TRIM24: variants seen among roughly 807,000 people sequenced by gnomAD.
TRIM24 encodes the protein tripartite motif containing 24.
TRIM24 carries 29 observed loss-of-function variants against 123.9 expected under a neutral mutation model. The ratio of observed to expected loss-of-function variants is 0.23; its 90% CI spans 0.17 to 0.32. TRIM24 has a LOEUF of 0.32. Among genes scored for constraint, TRIM24 ranks in the 10% least tolerant of loss-of-function variants. TRIM24 has a pLI of 1.00. For synonymous variants in TRIM24, 456 were observed against 461.1 expected (o/e 0.99, Z 0.14); for missense variants, 932 against 1,295.3 (o/e 0.72, Z 4.31).
In TRIM24 at chr7:138,583,941, C is replaced by A. The variant is rs1797959499; in HGVS notation, c.2885C>A (p.Pro962His). Residue 962 changes from proline (P) to histidine (H), a missense_variant, in exon 18 of 19, where the codon CCT becomes CAT. By Grantham distance (77) the Pro-to-His change is moderately conservative. Coordinates refer to ENST00000343526, the MANE Select transcript of TRIM24 (RefSeq NM_015905.3). ...LQEDYSMYSK[P>H]EDFVADFRLI... The stretch of plus-strand genomic sequence containing the variant: ...GAAGATTATTCCATGTACTCAAAAC[C>A]TGAAGATTTTGTAGCTGATTTTAGA... 1 of 1,608,606 alleles carries A rather than the reference C, an allele frequency of 6.2e-7. No individual in the cohort carries two copies.
chr7:138,577,408 T>C lies in TRIM24; in HGVS notation c.2088-12T>C. The C allele has an allele frequency of 1.3e-6, 2 of 1,534,010 alleles. No homozygotes were observed. The highest frequency in any genetic ancestry group is 1.7e-6 in the Non-Finnish European group (2 of 1,145,142). On this transcript the variant is annotated splice_polypyrimidine_tract_variant and intron_variant, in intron 13 of 18. Transcript: ENST00000343526. ...TTCTTAGATTGCTTTTTCTTCTCTCTCATACTTACAGCTCTGGCTCTTCCA... is the reference window on the plus strand; with the variant it reads ...TTCTTAGATTGCTTTTTCTTCTCTCCCATACTTACAGCTCTGGCTCTTCCA...
intron 1 of TRIM24, chr7:138,461,264 A>C: frequency 1.7e-6 from 1 of 573,540 alleles, no homozygotes; most frequent in East Asian, 4.5e-5. Flanking sequence ...CAGCCAGTTA[A>C]CTGCTACCCG....
At chr7:138,566,793 G>C (rs986872107) in intron 9 of TRIM24, among the ~76,000 whole-genome samples, 3 of 152,118 alleles carry the variant, frequency 2.0e-5, no homozygotes, top group African/African-American at 7.2e-5. Flanking sequence ...GGCTCAATAA[G>C]ATCTAAAACT....
chr7:138,558,338 G>C (rs985451146), intron 9 of TRIM24, among the ~76,000 whole-genome samples: 1 of 152,174 alleles, frequency 6.6e-6, no homozygotes, highest in East Asian at 1.9e-4. Context: ...GTTGGTAAAG[G>C]CCTTTCCCCA....
Position 138,554,878 on chromosome 7 carries a change from G to C in TRIM24, c.1442G>C (p.Arg481Thr). Residue 481 changes from arginine to threonine, a missense_variant, in exon 9 of 19, where the codon AGG (arginine) becomes ACG (threonine). This residue lies in a region of TRIM24 where 527 missense variants were observed against 691.3 expected (regional missense o/e 0.76). Coordinates refer to ENST00000343526, the MANE Select transcript of TRIM24 (RefSeq NM_015905.3). The surrounding 1 kb of genome is among the most constrained non-coding windows in gnomAD (Gnocchi z 4.5). ...ATGCAGCAACAGGTAATGGCTCAGA[G>C]GCAACAGGTGCAACGGAGGCCAGCA... Reference protein sequence around the residue: ...QHMQQQVMAQRQQVQRRPAPV... With the variant: ...QHMQQQVMAQTQQVQRRPAPV... The C allele has an allele frequency of 6.2e-7, 1 of 1,614,142 alleles. No individual in the cohort carries two copies. The highest frequency in any genetic ancestry group is 8.5e-7 in the Non-Finnish European group (1 of 1,180,012).
In TRIM24 at chr7:138,538,714, C is replaced by T; in HGVS notation, c.1054C>T (p.Leu352Phe). Residue 352 changes from leucine (L) to phenylalanine (F), a missense_variant, in exon 7 of 19, where the codon CTC becomes TTC. Around this residue, in one of 7 missense-constraint regions of TRIM24, gnomAD observed 527 missense variants for 691.3 expected, o/e 0.76. Coordinates refer to ENST00000343526, the MANE Select transcript of TRIM24 (RefSeq NM_015905.3). ...LMQQQQEVAG[L>F]SKQLEHVMHF... ...GCAACAACAACAGGAAGTGGCTGGACTCTCTAAACAATTGGAGCATGTCAT... is the reference window on the plus strand; with the variant it reads ...GCAACAACAACAGGAAGTGGCTGGATTCTCTAAACAATTGGAGCATGTCAT... 1 of 1,614,092 alleles carries T rather than the reference C, an allele frequency of 6.2e-7. No homozygotes were observed. The highest frequency in any genetic ancestry group is 1.1e-5 in the South Asian group (1 of 91,088).
chr7:138,463,881 T>C (rs983312747), intron 1 of TRIM24, among the ~76,000 whole-genome samples: 1 of 151,974 alleles, frequency 6.6e-6, no homozygotes, highest in South Asian at 2.1e-4. Flanking sequence ...ATTAAAGTTA[T>C]CTTTAAAAAA....
intron 12 of TRIM24, among the ~76,000 whole-genome samples, chr7:138,576,037 T>TTTGA (rs1189140084): frequency 4.6e-5 from 7 of 152,306 alleles, no homozygotes; most frequent in African/African-American, 1.2e-4. Flanking sequence ...TGGAGATGTT[T>TTTGA]TTGATTGTCA....
At chr7:138,511,304 C>CTTTT (rs760269729) in intron 2 of TRIM24, among the ~76,000 whole-genome samples, 1 of 140,982 alleles carries the variant, frequency 7.1e-6, no homozygotes, top group Non-Finnish European at 1.6e-5. Flanking sequence ...TTCTTTCTTT[C>CTTTT]TTTTTTTTTT....
At chr7:138,519,353 C>T (rs774961658) in intron 4 of TRIM24, 32 bp downstream of exon 4, 20 of 1,564,416 alleles carry the variant, frequency 1.3e-5, no homozygotes, top group Non-Finnish European at 1.6e-5. Context: ...TATATAGATT[C>T]ATATGCAGCT....
intron 1 of TRIM24, among the ~76,000 whole-genome samples, chr7:138,464,487 AG>A (rs1181773445): frequency 6.6e-6 from 1 of 151,892 alleles, no homozygotes; most frequent in Non-Finnish European, 1.5e-5. Context: ...GAGTACAAGC[AG>A]GGGGGCAGAC....
At chr7:138,550,318 G>GGTGTGTGTGTGTGTGTGTGT (rs10548154) in intron 7 of TRIM24, among the ~76,000 whole-genome samples, 9 of 147,574 alleles carry the variant, frequency 6.1e-5, no homozygotes, top group African/African-American at 2.0e-4. Context: ...AGGAGTTGAT[G>GGTGTGTGTGTGTGTGTGTGT]GTGTGTGTGT....
intron 1 of TRIM24, among the ~76,000 whole-genome samples, chr7:138,498,245 GAC>G (rs1178372463): frequency 2.6e-5 from 4 of 151,694 alleles, no homozygotes; most frequent in African/African-American, 4.8e-5. Flanking sequence ...TTTTTTTCGA[GAC>G]AGAGTCTCGC....
chr7:138,503,466 T>A (rs1215503376), intron 1 of TRIM24, among the ~76,000 whole-genome samples: 1 of 152,132 alleles, frequency 6.6e-6, no homozygotes, highest in Non-Finnish European at 1.5e-5. Context: ...AAAAAAATTT[T>A]TTTTTCATTA....
At chr7:138,513,503 G>A (rs550331216) in intron 2 of TRIM24, among the ~76,000 whole-genome samples, 13 of 152,204 alleles carry the variant, frequency 8.5e-5, no homozygotes, top group South Asian at 2.1e-4. Context: ...CTCAGCTTAC[G>A]ATCATGGCAG....
At chr7:138,581,169 A>C (rs1006034456) in intron 16 of TRIM24, among the ~76,000 whole-genome samples, 2 of 152,006 alleles carry the variant, frequency 1.3e-5, no homozygotes, top group African/African-American at 4.8e-5. Context: ...TACCAAAAAA[A>C]CTCCTTTGCT....
At chr7:138,518,674 G>A (rs1485609125) in intron 3 of TRIM24, among the ~76,000 whole-genome samples, 1 of 151,560 alleles carries the variant, frequency 6.6e-6, no homozygotes, top group East Asian at 1.9e-4. Context: ...CTGCCTCTCT[G>A]TCTCTGTCTG....
At chr7:138,578,077 CAT>C (rs1289247157) in intron 14 of TRIM24, among the ~76,000 whole-genome samples, 1 of 152,032 alleles carries the variant, frequency 6.6e-6, no homozygotes, top group Admixed American at 6.6e-5. Flanking sequence ...AGCAGGAAGA[CAT>C]AGGACTCCCA....
At chr7:138,478,050 C>A (rs1795442065) in intron 1 of TRIM24, among the ~76,000 whole-genome samples, 1 of 152,138 alleles carries the variant, frequency 6.6e-6, no homozygotes, top group Non-Finnish European at 1.5e-5. Context: ...CTGTACTATG[C>A]TCTGCACCTC....
Sources: allele counts gnomAD v4.1 joint callset (sites outside exome capture counted in the v4.1 genomes callset), GRCh38; gene constraint gnomAD v4.1.1; regional missense constraint gnomAD v4.1.1; non-coding constraint Gnocchi (gnomAD v3.1); transcripts MANE v1.5; gene names NCBI Gene and HGNC (gene_info 2026-07-23, HGNC 2026-07-21).